Variants in USP48 observed in about 807,000 individuals in gnomAD.
USP48 encodes the protein ubiquitin specific peptidase 48, also known as ubiquitin carboxyl-terminal hydrolase 48.
In USP48, 43 loss-of-function variants were observed where a neutral mutation model predicts 150.7. The observed-to-expected ratio is 0.29, with a 90% CI of 0.22 to 0.37. The LOEUF is 0.37. Among genes scored for constraint, USP48 ranks in the 10% least tolerant of loss-of-function variants. The pLI, the probability that USP48 is intolerant of heterozygous loss-of-function variation, is 1.00. For synonymous variants in USP48, 396 were observed against 425.9 expected, an observed-to-expected ratio of 0.93 and a Z score of 0.86; for missense variants, 813 against 1,249.6, an observed-to-expected ratio of 0.65 and a Z score of 5.27.
At chr1:21,764,711 CAAAAAA>C (rs35810751) in intron 1 of USP48, among the ~76,000 whole-genome samples, 3 of 108,264 alleles carry the variant, frequency 2.8e-5, no homozygotes, top group Non-Finnish European at 3.8e-5. Flanking sequence ...CACTCCGTCT[CAAAAAA>C]AAAAAAAAAA....
chr1:21,689,191 C>CA (rs2097589182), intron 24 of USP48, among the ~76,000 whole-genome samples: 1 of 147,952 alleles, frequency 6.8e-6, no homozygotes, highest in South Asian at 2.1e-4. Flanking sequence ...GCATTGGTCA[C>CA]AAGTCTATCT....
rs1312642365 is a variant in USP48, at chr1:21,697,478, A to T, written c.2728-2257T>A. Among the ~76,000 whole-genome samples the T allele has an allele frequency of 3.3e-5, 5 of 152,258 alleles. No homozygotes were observed. The South Asian group carries it at 1.0e-3, about 32-fold the overall frequency. ...GGAGATTGAGACCATCCTGGCTAAC[A>T]TGGTGAAACCCCGTCTCTACTAAAA... On this transcript the variant is annotated intron_variant, in intron 22 of 26. Transcript: ENST00000308271.
chr1:21,768,731 C>T (rs905604198), intron 1 of USP48, among the ~76,000 whole-genome samples: 1 of 150,586 alleles, frequency 6.6e-6, no homozygotes, highest in Admixed American at 6.7e-5. Context: ...CTCCCATACA[C>T]CCTAAGCCCA....
intron 23 of USP48, among the ~76,000 whole-genome samples, chr1:21,693,213 C>T (rs1030217340): frequency 6.6e-6 from 1 of 152,192 alleles, no homozygotes; most frequent in East Asian, 1.9e-4. Context: ...CACTGCACAT[C>T]TTTTGAGAAA....
intron 23 of USP48, among the ~76,000 whole-genome samples, chr1:21,692,083 C>T (rs1181193335): frequency 6.6e-6 from 1 of 152,104 alleles, no homozygotes. Flanking sequence ...TTAATAATCG[C>T]ACCAAAGACA....
intron 22 of USP48, among the ~76,000 whole-genome samples, chr1:21,697,420 T>C (rs1203488262): frequency 6.6e-6 from 1 of 152,020 alleles, no homozygotes; most frequent in Non-Finnish European, 1.5e-5. Flanking sequence ...TCCCAGCACT[T>C]TGGGAGGCCA....
chr1:21,706,474 C>A lies in USP48; in HGVS notation c.2204G>T (p.Trp735Leu), dbSNP rs773581590. ...TTGTGGGAATCATTATACCTCTGGCCAGTTACTGAGACACGGTCTGTTTTT... is the reference window on the plus strand; with the variant it reads ...TTGTGGGAATCATTATACCTCTGGCAAGTTACTGAGACACGGTCTGTTTTT... ...QDKNRPCLSN[W>L]PEDTDVLYIV... The change falls in exon 17 of 27, where the codon TGG becomes TTG. Residue 735 changes from tryptophan to leucine, a missense_variant. Trp to Leu is a moderately conservative substitution (Grantham distance 61). Transcript: ENST00000308271. 5 of 1,613,982 alleles carry A rather than the reference C, an allele frequency of 3.1e-6. No homozygotes were observed. The highest frequency in any genetic ancestry group is 2.7e-5 in the African/African-American group (2 of 74,890).
intron 25 of USP48, among the ~76,000 whole-genome samples, chr1:21,683,570 A>G (rs1558981850): frequency 6.6e-6 from 1 of 152,068 alleles, no homozygotes. Context: ...AATTTGTAGT[A>G]GAGACAGGGT....
intron 21 of USP48, 95 bp from the exon 22 acceptor site, chr1:21,701,697 A>G: frequency 1.2e-6 from 1 of 862,052 alleles, no homozygotes; most frequent in Non-Finnish European, 1.9e-6. Context: ...CTTTATCAAG[A>G]CGAGGAACAC....
intron 7 of USP48, 120 bp downstream of exon 7, chr1:21,748,018 T>C (rs1462856978): frequency 1.8e-6 from 2 of 1,116,412 alleles, no homozygotes; most frequent in Non-Finnish European, 2.4e-6. Flanking sequence ...CCTCCATCTA[T>C]AACTTTCATC....
chr1:21,783,121 G>A lies in USP48; in HGVS notation c.-164C>T. ...TGTGCGCGCCACTGCCGCCGCGCCCGCCCGCGCCCGACCCGCACGACCGGC... is the reference window on the plus strand; with the variant it reads ...TGTGCGCGCCACTGCCGCCGCGCCCACCCGCGCCCGACCCGCACGACCGGC... On this transcript the variant is annotated 5_prime_UTR_variant, in exon 1 of 27. Transcript: ENST00000308271. The A allele has an allele frequency of 2.7e-6, 3 of 1,091,478 alleles. No individual in the cohort carries two copies. Among genetic ancestry groups the A allele is most frequent in the Non-Finnish European group, 2.4e-6 (2 of 832,978 alleles). 67.6% of individuals were successfully genotyped at this position (1,091,478 alleles called of 1,614,324 possible).
chr1:21,748,500 G>A (rs80325637), intron 6 of USP48, among the ~76,000 whole-genome samples: 2,932 of 152,298 alleles, frequency 0.019, 102 homozygotes, highest in African/African-American at 0.067. Flanking sequence ...TTTCCCAAAT[G>A]TATGATATTA....
chr1:21,748,015 C>T, intron 7 of USP48, 123 bp downstream of exon 7: 10 of 1,075,964 alleles, frequency 9.3e-6, no homozygotes, highest in Non-Finnish European at 1.2e-5. Context: ...CAGCCTCCAT[C>T]TATAACTTTC....
rs553320232 is a variant in USP48, at chr1:21,734,944, TAAG to T, written c.1171+1499_1171+1501del. Among the ~76,000 whole-genome samples, 3 of 152,358 alleles carry T rather than the reference TAAG, an allele frequency of 2.0e-5. No individual in the cohort carries two copies. The South Asian group carries it at 6.2e-4, about 32-fold the overall frequency. ...GAAAGTACATACTAGGATACTATTT[TAAG>T]AAGTAGTCTTTATGGCAGACCTCAC... On this transcript the variant is annotated intron_variant, in intron 9 of 26. Coordinates refer to ENST00000308271, the MANE Select transcript of USP48 (RefSeq NM_032236.8).
intron 22 of USP48, among the ~76,000 whole-genome samples, chr1:21,695,975 A>G (rs1383351354): frequency 6.6e-6 from 1 of 152,228 alleles, no homozygotes; most frequent in Non-Finnish European, 1.5e-5. Context: ...ATTCTTGCAA[A>G]AATGTTATAC....
chr1:21,752,799 T>G, intron 4 of USP48, 148 bp from the exon 5 acceptor site: 1 of 1,194,294 alleles, frequency 8.4e-7, no homozygotes, highest in Non-Finnish European at 1.1e-6. Flanking sequence ...AATCAGTTTG[T>G]GCCCCCATAT....
At chr1:21,774,653 C>G (rs1044254490) in intron 1 of USP48, among the ~76,000 whole-genome samples, 1 of 151,962 alleles carries the variant, frequency 6.6e-6, no homozygotes, top group Non-Finnish European at 1.5e-5. Context: ...CACCACTGTA[C>G]TCCAGCCTGG....
At chr1:21,692,610 G>A (rs2097605800) in intron 23 of USP48, among the ~76,000 whole-genome samples, 1 of 152,194 alleles carries the variant, frequency 6.6e-6, no homozygotes, top group East Asian at 1.9e-4. Flanking sequence ...AACAACTAAT[G>A]AAGCATTTAA....
Position 21,701,500 on chromosome 1 carries a change from G to C in USP48, c.2725C>G (p.Gln909Glu). 6.2e-7 allele frequency: 1 copy of C among 1,612,550 alleles called. No individual in the cohort carries two copies. The highest frequency in any genetic ancestry group is 8.5e-7 in the Non-Finnish European group (1 of 1,178,930). The change falls in exon 22 of 27, where the codon CAA becomes GAA. Residue 909 changes from glutamine (Q) to glutamate (E), a missense_variant and splice_region_variant. Physicochemically the swap from Gln to Glu is conservative, Grantham distance 29. Coordinates refer to ENST00000308271, the MANE Select transcript of USP48 (RefSeq NM_032236.8). ...TGAAAAGCAGCTTCAACACATACTT[G>C]ATTAAAATCTGGATCTTTTTCTCCA... is the stretch of plus-strand genomic sequence containing the variant. ...PDGEKDPDFN[Q>E]SNGGTKRQKI...
Sources: allele counts gnomAD v4.1 joint callset (sites outside exome capture counted in the v4.1 genomes callset), GRCh38; gene constraint gnomAD v4.1.1; transcripts MANE v1.5; gene names NCBI Gene and HGNC (gene_info 2026-07-23, HGNC 2026-07-21).